Variants in PTPN4 observed in about 807,000 individuals in gnomAD.
PTPN4 encodes the protein tyrosine-protein phosphatase non-receptor type 4.
PTPN4 carries 49 observed loss-of-function variants against 135.5 expected under a neutral mutation model. That is an observed-to-expected ratio of 0.36 (90% CI 0.29 to 0.46). The LOEUF (loss-of-function observed/expected upper bound fraction) is 0.46. Ranked by LOEUF, PTPN4 falls within the 20% of genes least tolerant of loss-of-function variation. The pLI is 1.00. For synonymous variants in PTPN4, 333 were observed against 369.9 expected (o/e 0.90, Z 1.14); for missense variants, 860 against 1,101.0 (o/e 0.78, Z 3.10).
At chr2:119,910,172 C>T (rs1678550195) in intron 10 of PTPN4, among the ~76,000 whole-genome samples, 1 of 151,856 alleles carries the variant, frequency 6.6e-6, no homozygotes, top group African/African-American at 2.4e-5. Context: ...TGTGGCAAGA[C>T]CCTCCACCAA....
At chr2:119,812,393 T>C (rs951272212) in intron 2 of PTPN4, among the ~76,000 whole-genome samples, 1 of 152,246 alleles carries the variant, frequency 6.6e-6, no homozygotes, top group African/African-American at 2.4e-5. Flanking sequence ...ATTGGAGTCA[T>C]TGCTTTTCAT....
rs754261445 is a variant in PTPN4 at position 119,957,020 on chromosome 2, T to C, written c.2076T>C (p.Asp692=). 2 of 1,610,472 alleles carry C rather than the reference T, an allele frequency of 1.2e-6. No homozygotes were observed. Among genetic ancestry groups the C allele is most frequent in the Non-Finnish European group, 1.7e-6 (2 of 1,178,554 alleles). Residue 692 remains aspartate, a synonymous_variant, in exon 22 of 27, where the codon GAT becomes GAC. Transcript: ENST00000263708. The stretch of plus-strand genomic sequence containing the variant: ...ATTTCTTTTAAATTTTTTTAGATGA[T>C]GCCACACGGGTCATTTTAAAAGGTA... ...KNRYRDISPY[D]ATRVILKGNE...
intron 3 of PTPN4, among the ~76,000 whole-genome samples, chr2:119,873,568 T>A (rs1419618775): frequency 2.0e-5 from 3 of 152,164 alleles, no homozygotes; most frequent in Non-Finnish European, 2.9e-5. Context: ...GGTAACCGAT[T>A]AGCAATGTCT....
At chr2:119,769,440 G>T (rs557645428) in intron 1 of PTPN4, among the ~76,000 whole-genome samples, 2 of 152,326 alleles carry the variant, frequency 1.3e-5, no homozygotes, top group South Asian at 2.1e-4. Flanking sequence ...TTAAAAGGGG[G>T]AGTGGGGAGC....
chr2:119,773,268 T>C (rs746336961), intron 1 of PTPN4, among the ~76,000 whole-genome samples: 2 of 152,184 alleles, frequency 1.3e-5, no homozygotes, highest in African/African-American at 2.4e-5. Context: ...ATGCTACAAG[T>C]TGAAAACGCA....
At chr2:119,958,250 T>C (rs965623029) in intron 22 of PTPN4, among the ~76,000 whole-genome samples, 1 of 151,580 alleles carries the variant, frequency 6.6e-6, no homozygotes, top group Non-Finnish European at 1.5e-5. Context: ...GGTGGGAGAA[T>C]TGCTTGAGCC....
chr2:119,920,232 T>G lies in PTPN4; in HGVS notation c.992T>G (p.Phe331Cys). The change falls in exon 12 of 27, where the codon TTC (phenylalanine) becomes TGC (cysteine). Residue 331 changes from phenylalanine (F) to cysteine (C), a missense_variant. Physicochemically the swap from Phe to Cys is radical, Grantham distance 205. Around this residue, in one of 2 missense-constraint regions of PTPN4, gnomAD observed 684 missense variants for 807.0 expected, o/e 0.85. Coordinates refer to ENST00000263708, the MANE Select transcript of PTPN4 (RefSeq NM_002830.4). ...CATTATTTTACATTAGGTTCAAAAT[T>G]CCGGTACTGGTAAGTATTGCTTCTG... ...FAHYFTLGSK[F>C]RYCGRTEVQS... 1 of 1,609,106 alleles carries G rather than the reference T, an allele frequency of 6.2e-7. No individual in the cohort carries two copies. Among genetic ancestry groups the G allele is most frequent in the Non-Finnish European group, 8.5e-7 (1 of 1,177,042 alleles).
chr2:119,783,231 G>A (rs140215016), intron 1 of PTPN4, among the ~76,000 whole-genome samples: 48 of 152,288 alleles, frequency 3.2e-4, no homozygotes, highest in African/African-American at 1.2e-3. Flanking sequence ...TATCGGGAAA[G>A]GTTAGAAAAA....
intron 1 of PTPN4, among the ~76,000 whole-genome samples, chr2:119,781,518 C>T (rs904376782): frequency 3.9e-5 from 6 of 152,166 alleles, no homozygotes; most frequent in Non-Finnish European, 8.8e-5. Context: ...CTGTCAACAA[C>T]AAACTTTATA....
At chr2:119,781,206 T>C (rs1452297841) in intron 1 of PTPN4, among the ~76,000 whole-genome samples, 1 of 152,226 alleles carries the variant, frequency 6.6e-6, no homozygotes, top group Non-Finnish European at 1.5e-5. Context: ...TTGCCCCAGC[T>C]CTGAAATCAG....
chr2:119,825,858 G>T (rs986621140), intron 2 of PTPN4, among the ~76,000 whole-genome samples: 1 of 152,102 alleles, frequency 6.6e-6, no homozygotes, highest in South Asian at 2.1e-4. Context: ...GCTATCAATT[G>T]GATGGTCTTC....
intron 13 of PTPN4, among the ~76,000 whole-genome samples, chr2:119,930,145 CA>C (rs1376056052): frequency 1.3e-5 from 2 of 152,032 alleles, no homozygotes; most frequent in Non-Finnish European, 2.9e-5. Context: ...GTCTTCAAAT[CA>C]AAAAATCCTA....
At chr2:119,817,189 T>C (rs948155613) in intron 2 of PTPN4, among the ~76,000 whole-genome samples, 2 of 152,238 alleles carry the variant, frequency 1.3e-5, no homozygotes, top group Admixed American at 1.3e-4. Context: ...TTTATACTTT[T>C]GGCTTTTACA....
chr2:119,965,739 A>C (rs559817571), intron 25 of PTPN4, 94 bp downstream of exon 25: 5 of 1,399,146 alleles, frequency 3.6e-6, no homozygotes, highest in Non-Finnish European at 4.9e-6. Flanking sequence ...TGTTATTGTC[A>C]CTGTAATAAT....
At chr2:119,893,153 A>T (rs2105010004) in intron 9 of PTPN4, among the ~76,000 whole-genome samples, 1 of 152,296 alleles carries the variant, frequency 6.6e-6, no homozygotes. Context: ...TTGAGAGTAT[A>T]CTATAAGATA....
At chr2:119,954,427 A>G (rs987289542) in intron 19 of PTPN4, among the ~76,000 whole-genome samples, 7 of 152,074 alleles carry the variant, frequency 4.6e-5, no homozygotes, top group African/African-American at 1.7e-4. Flanking sequence ...CCAGATCTTC[A>G]TGGGTATTTT....
intron 1 of PTPN4, among the ~76,000 whole-genome samples, chr2:119,786,571 C>T (rs948850476): frequency 7.2e-5 from 11 of 152,114 alleles, no homozygotes; most frequent in African/African-American, 2.7e-4. Context: ...GATCTCAGTT[C>T]CTTTCTACAT....
At chr2:119,960,984 T>C in intron 23 of PTPN4, 31 bp downstream of exon 23, 2 of 1,597,904 alleles carry the variant, frequency 1.3e-6, no homozygotes, top group South Asian at 1.1e-5. Flanking sequence ...ACACATTGCT[T>C]GGACTTTTTT....
chr2:119,833,066 G>C (rs187845798), intron 2 of PTPN4, among the ~76,000 whole-genome samples: 48 of 152,176 alleles, frequency 3.2e-4, no homozygotes, highest in Non-Finnish European at 5.9e-5. Context: ...CTATCATTCT[G>C]TTCCCTTTTT....
Sources: gnomAD v4.1 joint callset for allele counts (sites outside exome capture counted in the v4.1 genomes callset) on GRCh38, gnomAD v4.1.1 for gene constraint, gnomAD v4.1.1 regional missense constraint, MANE v1.5 for transcripts, NCBI Gene and HGNC (gene_info 2026-07-23, HGNC 2026-07-21) for gene names.